MIPEP: variants seen among roughly 807,000 people sequenced by gnomAD.
MIPEP encodes mitochondrial intermediate peptidase.
Under a neutral mutation model 90.3 loss-of-function variants are expected in MIPEP, and 79 were observed. The observed-to-expected ratio is 0.87, with a 90% confidence interval of 0.73 to 1.05. The LOEUF is 1.05. Among genes scored for constraint, MIPEP ranks in the 50% least tolerant of loss-of-function variants. The pLI is 0.00. For missense variants in MIPEP, 940 were observed against 905.6 expected, an observed-to-expected ratio of 1.04 and a Z score of -0.49; for synonymous variants, 334 against 315.8, an observed-to-expected ratio of 1.06 and a Z score of -0.61.
At chr13:23,831,945 T>C (rs1868789295) in intron 14 of MIPEP, among the ~76,000 whole-genome samples, 1 of 152,064 alleles carries the variant, frequency 6.6e-6, no homozygotes. Context: ...AACCCAATAT[T>C]TGTAAAGAGC....
At chr13:23,875,559 T>C (rs7329449) in intron 4 of MIPEP, among the ~76,000 whole-genome samples, 1 of 151,572 alleles carries the variant, frequency 6.6e-6, no homozygotes, top group Admixed American at 6.6e-5. Context: ...GTATTTTTTT[T>C]AAAAAAAACC....
At chr13:23,885,307 G>T (rs1871428711) in intron 2 of MIPEP, among the ~76,000 whole-genome samples, 1 of 152,112 alleles carries the variant, frequency 6.6e-6, no homozygotes, top group Non-Finnish European at 1.5e-5. Context: ...AGGGTAGCAG[G>T]GTGGCATGGG....
At chr13:23,759,811 G>A (rs1448413191) in intron 17 of MIPEP, among the ~76,000 whole-genome samples, 1 of 152,172 alleles carries the variant, frequency 6.6e-6, no homozygotes, top group Non-Finnish European at 1.5e-5. Context: ...GCTTCAGGTA[G>A]CACAGGAGCC....
intron 16 of MIPEP, among the ~76,000 whole-genome samples, chr13:23,805,329 C>T (rs1953095799): frequency 1.3e-5 from 2 of 152,162 alleles, no homozygotes; most frequent in Admixed American, 1.3e-4. Flanking sequence ...CACTTAACTA[C>T]CTAGATGATC....
chr13:23,886,092 C>A (rs916808537), intron 2 of MIPEP, among the ~76,000 whole-genome samples: 10 of 151,824 alleles, frequency 6.6e-5, no homozygotes, highest in Non-Finnish European at 1.3e-4. Context: ...TTATATATTA[C>A]ATGTATATTT....
At chr13:23,864,352 A>T (rs1397497407) in intron 7 of MIPEP, among the ~76,000 whole-genome samples, 163 bp from the exon 8 acceptor site, 4 of 152,192 alleles carry the variant, frequency 2.6e-5, no homozygotes, top group African/African-American at 9.7e-5. Flanking sequence ...ACATATAGTA[A>T]ATGCTTCTAG....
At chr13:23,761,040 C>T (rs1244636253) in intron 16 of MIPEP, among the ~76,000 whole-genome samples, 1 of 149,710 alleles carries the variant, frequency 6.7e-6, no homozygotes, top group Non-Finnish European at 1.5e-5. Flanking sequence ...CATTTTATGA[C>T]AAAACAAAAA....
At chr13:23,830,540 C>T (rs1449422875) in intron 14 of MIPEP, among the ~76,000 whole-genome samples, 1 of 152,162 alleles carries the variant, frequency 6.6e-6, no homozygotes, top group Non-Finnish European at 1.5e-5. Context: ...TGTGTTATAA[C>T]ATTAAATATT....
chr13:23,764,525 G>A (rs540257431), intron 16 of MIPEP, among the ~76,000 whole-genome samples: 2 of 152,154 alleles, frequency 1.3e-5, no homozygotes, highest in Non-Finnish European at 2.9e-5. Flanking sequence ...GCTAGATATG[G>A]AATAACGGAA....
At chr13:23,750,944 T>TC (rs1448932000) in intron 18 of MIPEP, among the ~76,000 whole-genome samples, 1 of 152,140 alleles carries the variant, frequency 6.6e-6, no homozygotes, top group African/African-American at 2.4e-5. Context: ...TCTGGGCACT[T>TC]CCTTCCTTTC....
intron 9 of MIPEP, among the ~76,000 whole-genome samples, chr13:23,861,934 A>AT (rs1330239937): frequency 2.6e-5 from 4 of 152,238 alleles, no homozygotes; most frequent in African/African-American, 9.6e-5. Context: ...GAACTGCAAC[A>AT]TTAACACTGA....
At chr13:23,847,814 T>C (rs780559852) in intron 10 of MIPEP, among the ~76,000 whole-genome samples, 9 of 152,180 alleles carry the variant, frequency 5.9e-5, no homozygotes, top group Non-Finnish European at 1.2e-4. Context: ...AAAGTTAGAA[T>C]AACTGGTGAA....
chr13:23,763,885 A>T (rs541248458), intron 16 of MIPEP, among the ~76,000 whole-genome samples: 41 of 152,364 alleles, frequency 2.7e-4, no homozygotes, highest in African/African-American at 9.6e-4. Context: ...GTCTGTGGCT[A>T]AGACCTACAA....
chr13:23,800,376 G>A (rs1277364035), intron 16 of MIPEP, among the ~76,000 whole-genome samples: 3 of 152,070 alleles, frequency 2.0e-5, no homozygotes, highest in Admixed American at 6.5e-5. Flanking sequence ...ATACACAATC[G>A]CTTAGGGAAA....
At chr13:23,804,331 G>A (rs567389266) in intron 16 of MIPEP, among the ~76,000 whole-genome samples, 33 of 152,228 alleles carry the variant, frequency 2.2e-4, no homozygotes, top group South Asian at 4.1e-4. Flanking sequence ...CTACTTACTG[G>A]TCATGAAGTT....
chr13:23,851,816 T>C (rs1213066100), intron 10 of MIPEP, among the ~76,000 whole-genome samples: 1 of 152,170 alleles, frequency 6.6e-6, no homozygotes, highest in Non-Finnish European at 1.5e-5. Context: ...CACCTGAGCC[T>C]CCAAGTCGCT....
intron 7 of MIPEP, among the ~76,000 whole-genome samples, chr13:23,867,502 T>C (rs2148237): frequency 0.99 from 150,952 of 152,284 alleles, 74,846 homozygotes; most frequent in Middle Eastern, 1. Context: ...GTTTTCTCCA[T>C]GGCTTGTATT....
chr13:23,886,365 G>A lies in MIPEP; in HGVS notation c.331C>T (p.Leu111Phe). The A allele has an allele frequency of 1.3e-6, 2 of 1,599,622 alleles. No homozygotes were observed. Among genetic ancestry groups the A allele is most frequent in the East Asian group, 4.6e-5 (2 of 43,716 alleles). ...GCCACTCTGCATAAGGAATCCGAGAGCTCATCGAAGATCAGCACGGTCTGG... is the reference window on the plus strand; with the variant it reads ...GCCACTCTGCATAAGGAATCCGAGAACTCATCGAAGATCAGCACGGTCTGG... ...GPQTVLIFDE[L>F]SDSLCRVADL... Residue 111 changes from leucine (L) to phenylalanine (F), a missense_variant, in exon 2 of 19, where the codon CTC (leucine) becomes TTC (phenylalanine). By Grantham distance (22) the Leu-to-Phe change is conservative. Coordinates refer to ENST00000382172, the MANE Select transcript of MIPEP (RefSeq NM_005932.4).
At chr13:23,818,208 A>T (rs567735626) in intron 14 of MIPEP, among the ~76,000 whole-genome samples, 22 of 152,200 alleles carry the variant, frequency 1.4e-4, no homozygotes, top group African/African-American at 5.3e-4. Flanking sequence ...CTTGAGGTCA[A>T]GGGTTCGAGG....
Sources: allele counts gnomAD v4.1 joint callset (sites outside exome capture counted in the v4.1 genomes callset), GRCh38; gene constraint gnomAD v4.1.1; transcripts MANE v1.5; gene names NCBI Gene and HGNC (gene_info 2026-07-23, HGNC 2026-07-21).